PHEX: variants seen among roughly 807,000 people sequenced by gnomAD.
The protein encoded by PHEX is phosphate regulating endopeptidase X-linked.
Under a neutral mutation model 68.0 loss-of-function variants are expected in PHEX, and 16 were observed. The observed-to-expected ratio is 0.24, with a 90% CI of 0.16 to 0.36. The LOEUF (loss-of-function observed/expected upper bound fraction) is 0.36, where lower values mean the gene tolerates loss of function less well. Among genes scored for constraint, PHEX ranks in the 10% least tolerant of loss-of-function variants. PHEX has a pLI of 1.00. For synonymous variants in PHEX, 208 were observed against 205.1 expected (o/e 1.01, Z -0.12); for missense variants, 480 against 575.5 (o/e 0.83, Z 1.70).
rs770337428 is a variant in PHEX, at chrX:22,182,037, T to C, written c.1586+3661T>C. On this transcript the variant is annotated intron_variant, in intron 14 of 21. Transcript: ENST00000379374. Reference sequence around the variant, plus strand: ...CTACAAACAAGGGTAATTTGACTTCTTTCTTTCTAATTTGGATGCCCCTTA... The same window carrying C: ...CTACAAACAAGGGTAATTTGACTTCCTTCTTTCTAATTTGGATGCCCCTTA... Among the ~76,000 whole-genome samples, 31 of 111,748 alleles carry C rather than the reference T, an allele frequency of 2.8e-4. No individual in the cohort carries two copies. The South Asian group carries it at 0.012, about 42-fold the overall frequency.
rs1360610433 is a variant in PHEX, at chrX:22,249,551, A to C, written c.*1598A>C. The C allele has an allele frequency of 1.0e-5, 1 of 98,371 alleles. No homozygotes were observed. Among genetic ancestry groups the C allele is most frequent in the Non-Finnish European group, 2.0e-5 (1 of 49,851 alleles). 8.1% of individuals were successfully genotyped at this position (98,371 alleles called of 1,213,427 possible). On this transcript the variant is annotated 3_prime_UTR_variant, in exon 22 of 22. Transcript: ENST00000379374. ...CATGGGAACGTTTGAATGGAGAAAA[A>C]TGGAGGGGCACCATCATGAGGAAAC...
chrX:22,144,600 AT>A (rs1320313938), intron 12 of PHEX, among the ~76,000 whole-genome samples: 5 of 111,064 alleles, frequency 4.5e-5, no homozygotes, highest in Non-Finnish European at 7.5e-5. Flanking sequence ...TAAATATTTC[AT>A]TATGTATCTC....
At chrX:22,177,211 C>T (rs978497582) in intron 13 of PHEX, among the ~76,000 whole-genome samples, 1 of 111,507 alleles carries the variant, frequency 9.0e-6, no homozygotes, top group Non-Finnish European at 1.9e-5. Context: ...CATCAAATTG[C>T]ATATATACAT....
At chrX:22,159,982 G>A (rs2045247534) in intron 12 of PHEX, among the ~76,000 whole-genome samples, 1 of 112,145 alleles carries the variant, frequency 8.9e-6, no homozygotes, top group Admixed American at 9.5e-5. Flanking sequence ...GTTTTCCTCA[G>A]CTTTTTAAAT....
chrX:22,087,484 A>G (rs1003665776), intron 5 of PHEX, among the ~76,000 whole-genome samples: 19 of 111,720 alleles, frequency 1.7e-4, no homozygotes, highest in African/African-American at 6.2e-4. Context: ...TTCCCCTGAA[A>G]CAAGAGTTAT....
At chrX:22,159,492 A>AAAC (rs58499708) in intron 12 of PHEX, among the ~76,000 whole-genome samples, 110 of 111,625 alleles carry the variant, frequency 9.9e-4, no homozygotes, top group South Asian at 1.9e-3. Flanking sequence ...ACAAAAAGGA[A>AAAC]AACAACAACA....
At chrX:22,234,416 T>G (rs1935887676) in intron 20 of PHEX, among the ~76,000 whole-genome samples, 2 of 110,914 alleles carry the variant, frequency 1.8e-5, no homozygotes, top group African/African-American at 6.6e-5. Flanking sequence ...GGGAGTTTTA[T>G]CTATAATTCC....
chrX:22,103,625 G>A (rs1930529042), intron 9 of PHEX, among the ~76,000 whole-genome samples: 1 of 112,165 alleles, frequency 8.9e-6, no homozygotes, highest in African/African-American at 3.2e-5. Flanking sequence ...TGCTGCGAAT[G>A]CCATTATTTC....
chrX:22,075,285 CTTTTTTTTTTTT>C lies in PHEX; in HGVS notation c.350-1093_350-1082del, dbSNP rs1164944990. On this transcript the variant is annotated intron_variant, in intron 3 of 21. Transcript: ENST00000379374. ...AAAACTAGACAGGAGCTCTGGGTTG[CTTTTTTTTTTTT>C]TTTTTTTTTGAACTGTAGAACTTCT... Among the ~76,000 whole-genome samples the C allele has an allele frequency of 3.9e-3, 244 of 62,348 alleles. 2 individuals are homozygous for C. Among genetic ancestry groups the C allele is most frequent in the Non-Finnish European group, 6.0e-3 (198 of 33,132 alleles). 54.1% of individuals were successfully genotyped at this position (62,348 alleles called of 115,157 possible). A position where few individuals can be genotyped will look rare whatever the true frequency, so the allele number is the denominator to read the frequency against.
intron 12 of PHEX, among the ~76,000 whole-genome samples, chrX:22,142,570 A>G (rs1235772781): frequency 8.9e-6 from 1 of 112,266 alleles, no homozygotes; most frequent in Non-Finnish European, 1.9e-5. Context: ...GCTCAAAAAA[A>G]GGGAATTGGA....
At chrX:22,197,892 GTTAC>G (rs1934417284) in intron 15 of PHEX, among the ~76,000 whole-genome samples, 2 of 109,485 alleles carry the variant, frequency 1.8e-5, no homozygotes, top group South Asian at 7.7e-4. Flanking sequence ...CCTTGGGCAA[GTTAC>G]TTAACATCTT....
chrX:22,033,538 T>C (rs906399905), intron 1 of PHEX, among the ~76,000 whole-genome samples: 1 of 112,612 alleles, frequency 8.9e-6, no homozygotes, highest in Non-Finnish European at 1.9e-5. Context: ...CTTTTATTAA[T>C]GTTTGCTTGA....
At chrX:22,042,124 G>A (rs767006084) in intron 2 of PHEX, among the ~76,000 whole-genome samples, 73 of 111,399 alleles carry the variant, frequency 6.6e-4, no homozygotes, top group Non-Finnish European at 9.8e-4. Context: ...GAGGCTGTGC[G>A]TGCGTGGGCG....
intron 3 of PHEX, among the ~76,000 whole-genome samples, chrX:22,067,469 AC>A (rs1928661343): frequency 1.8e-5 from 2 of 111,511 alleles, no homozygotes; most frequent in Non-Finnish European, 1.9e-5. Context: ...TGTTTCCAAA[AC>A]AAAACAAAGT....
intron 18 of PHEX, 69 bp from the exon 19 acceptor site, chrX:22,226,374 T>C: frequency 1.3e-6 from 1 of 749,850 alleles, no homozygotes; most frequent in South Asian, 2.1e-5. Context: ...TATTGATGCC[T>C]CTTGCTGAAT....
intron 11 of PHEX, among the ~76,000 whole-genome samples, chrX:22,133,180 C>G (rs999177006): frequency 1.8e-5 from 2 of 110,606 alleles, no homozygotes; most frequent in Non-Finnish European, 3.8e-5. Context: ...GCCACCATGC[C>G]CAGCTAATTT....
intron 21 of PHEX, among the ~76,000 whole-genome samples, chrX:22,247,623 CTG>C: frequency 8.9e-6 from 1 of 112,142 alleles, no homozygotes; most frequent in South Asian, 3.7e-4. Context: ...ATTTTGAAGA[CTG>C]TTCGAAGAGT....
At chrX:22,164,667 TTCTC>T (rs750433132) in intron 12 of PHEX, among the ~76,000 whole-genome samples, 51 of 112,240 alleles carry the variant, frequency 4.5e-4, no homozygotes, top group Non-Finnish European at 8.1e-4. Context: ...TTCTTTTCTT[TTCTC>T]TCTCTCTCTT....
intron 9 of PHEX, among the ~76,000 whole-genome samples, chrX:22,103,954 C>T (rs55968888): frequency 0.041 from 4,577 of 111,785 alleles, 245 homozygotes; most frequent in African/African-American, 0.14. Flanking sequence ...TCACCACATC[C>T]ATGCCAACAT....
Sources: allele counts gnomAD v4.1 joint callset (sites outside exome capture counted in the v4.1 genomes callset), GRCh38; gene constraint gnomAD v4.1.1; transcripts MANE v1.5; gene names NCBI Gene and HGNC (gene_info 2026-07-23, HGNC 2026-07-21).